Variants in PLCB2 observed in about 807,000 individuals in gnomAD.
The protein encoded by PLCB2 is phospholipase C beta 2.
A neutral mutation model predicts 141.7 loss-of-function variants in PLCB2; 115 were observed. That is an observed-to-expected ratio of 0.81 (90% CI 0.70 to 0.95). The LOEUF is 0.95. PLCB2 is among the 40% of genes least tolerant of loss of function. The pLI, the probability that PLCB2 is intolerant of heterozygous loss-of-function variation, is 0.00. For missense variants in PLCB2, 1,403 were observed against 1,541.1 expected, an observed-to-expected ratio of 0.91 and a Z score of 1.50; for synonymous variants, 603 against 595.6, an observed-to-expected ratio of 1.01 and a Z score of -0.18.
chr15:40,297,460 C>T lies in PLCB2; in HGVS notation c.1323+61G>A. On this transcript the variant is annotated intron_variant, in intron 13 of 31. Transcript: ENST00000260402. The surrounding 1 kb of genome is among the most constrained non-coding windows in gnomAD (Gnocchi z 4.2). ...GAGTGTCTCCCTCCCTAACCTGGTT[C>T]TCACCCTGCCCCAGGTTCCCAGGCC... is the stretch of plus-strand genomic sequence containing the variant. The T allele has an allele frequency of 7.7e-7, 1 of 1,300,732 alleles. No individual in the cohort carries two copies. The highest frequency in any genetic ancestry group is 1.1e-6 in the Non-Finnish European group (1 of 894,138). 80.6% of individuals were successfully genotyped at this position (1,300,732 alleles called of 1,614,324 possible). A position where few individuals can be genotyped will look rare whatever the true frequency, so the allele number is the denominator to read the frequency against.
At position 40,298,893 on chromosome 15, in the gene PLCB2, G is replaced by A. The variant is rs2040371493; in HGVS notation, c.755C>T (p.Ser252Phe). ...CGGGAACAGCAGGGAGTTAAGCCGGGAGTCCCGCTGTTTCTGGTTGATGAA... is the reference window on the plus strand; with the variant it reads ...CGGGAACAGCAGGGAGTTAAGCCGGAAGTCCCGCTGTTTCTGGTTGATGAA... Reference protein sequence around the residue: ...TKFINQKQRDSRLNSLLFPPA... With the variant: ...TKFINQKQRDFRLNSLLFPPA... The change falls in exon 9 of 32, where the codon TCC becomes TTC. Residue 252 changes from serine (S) to phenylalanine (F), a missense_variant. Coordinates refer to ENST00000260402, the MANE Select transcript of PLCB2 (RefSeq NM_004573.3). 4 of 1,611,376 alleles carry A rather than the reference G, an allele frequency of 2.5e-6. No individual in the cohort carries two copies. The highest frequency in any genetic ancestry group is 3.4e-6 in the Non-Finnish European group (4 of 1,180,018).
At chr15:40,289,580 A>T (rs76648838) in intron 30 of PLCB2, 8,283 of 575,364 alleles carry the variant, frequency 0.014, 479 homozygotes, top group African/African-American at 0.13. Context: ...AGTGCCTGGC[A>T]CAGGTCAGGA....
Position 40,302,466 on chromosome 15 carries a change from C to T in PLCB2, c.372+3G>A, listed in dbSNP as rs749297747. On this transcript the variant is annotated splice_donor_region_variant and intron_variant, in intron 4 of 31. Coordinates refer to ENST00000260402, the MANE Select transcript of PLCB2 (RefSeq NM_004573.3). ...GACCCAGGCCCAGTGCTCCCTGGCA[C>T]ACCTTGCCCACGTTCTCCTTGTAGG... The T allele has an allele frequency of 3.1e-6, 5 of 1,614,014 alleles. No individual in the cohort carries two copies. The highest frequency in any genetic ancestry group is 4.2e-6 in the Non-Finnish European group (5 of 1,179,942).
Position 40,297,997 on chromosome 15 carries a change from G to A in PLCB2, c.1156-38C>T, listed in dbSNP as rs28395837. Reference sequence around the variant, plus strand: ...GAGACTCCATGAACAGAAGGTCAGCGTTCCGACTGCCTGTCTCGTGATAGC... The same window carrying A: ...GAGACTCCATGAACAGAAGGTCAGCATTCCGACTGCCTGTCTCGTGATAGC... On this transcript the variant is annotated intron_variant, in intron 11 of 31. Coordinates refer to ENST00000260402, the MANE Select transcript of PLCB2 (RefSeq NM_004573.3). The surrounding 1 kb of genome is among the most constrained non-coding windows in gnomAD (Gnocchi z 4.2). 1.1e-3 allele frequency: 1,659 copies of A among 1,455,796 alleles called. 3 individuals carry two copies. The highest frequency in any genetic ancestry group is 1.5e-3 in the Non-Finnish European group (1,558 of 1,038,886). 90.2% of individuals were successfully genotyped at this position (1,455,796 alleles called of 1,614,324 possible). A position where few individuals can be genotyped will look rare whatever the true frequency, so the allele number is the denominator to read the frequency against.
Position 40,291,320 on chromosome 15 carries a change from C to T in PLCB2, c.2815G>A (p.Val939Met), listed in dbSNP as rs751053719. 1 of 1,540,242 alleles carries T rather than the reference C, an allele frequency of 6.5e-7. No individual in the cohort carries two copies. The highest frequency in any genetic ancestry group is 1.9e-5 in the Admixed American group (1 of 52,154). ...AGCTTGCAGGCCCCGACGCCCCCCACGCCCGGTGGCCCGAGCTCCGCCAGC... is the reference window on the plus strand; with the variant it reads ...AGCTTGCAGGCCCCGACGCCCCCCATGCCCGGTGGCCCGAGCTCCGCCAGC... ...AQLAELGPPG[V>M]GGVGACKLGP... The change falls in exon 26 of 32, where the codon GTG (valine) becomes ATG (methionine). Residue 939 changes from valine to methionine, a missense_variant. This residue lies in a region of PLCB2 where 290 missense variants were observed against 245.9 expected (regional missense o/e 1.18). Transcript: ENST00000260402.
chr15:40,292,982 T>A lies in PLCB2; in HGVS notation c.2270A>T (p.Glu757Val). 6.2e-7 allele frequency: 1 copy of A among 1,607,584 alleles called. No individual in the cohort carries two copies. Among genetic ancestry groups the A allele is most frequent in the Non-Finnish European group, 8.5e-7 (1 of 1,176,724 alleles). ...ELASLRVAVM[E>V]EGNKFLGHRI... ...GTGTCCAAGAAACTTGTTGCCTTCC[T>A]CCATCACAGCCACTCTGAGGGAGGC... The change falls in exon 21 of 32, where the codon GAG becomes GTG. Residue 757 changes from glutamate to valine, a missense_variant. By Grantham distance (121) the Glu-to-Val change is moderately radical. This residue lies in a region of PLCB2 where 975 missense variants were observed against 1,141.1 expected (regional missense o/e 0.85). Transcript: ENST00000260402.
At chr15:40,287,150 C>T (rs1181621953), downstream of PLCB2, among the ~76,000 whole-genome samples, 1 of 152,078 alleles carries the variant, frequency 6.6e-6, no homozygotes, top group East Asian at 1.9e-4. Flanking sequence ...TCTGCCCCAG[C>T]GTATCCAGTC....
chr15:40,296,272 C>A, intron 16 of PLCB2, 24 bp downstream of exon 16: 1 of 1,574,050 alleles, frequency 6.4e-7, no homozygotes, highest in South Asian at 1.1e-5. Context: ...CTTACCCACC[C>A]GTAAGTTACT....
rs750615057 is a variant in PLCB2, at chr15:40,299,172, C to G, written c.639G>C (p.Met213Ile). 5 of 1,614,032 alleles carry G rather than the reference C, an allele frequency of 3.1e-6. No individual in the cohort carries two copies. The highest frequency in any genetic ancestry group is 4.2e-6 in the Non-Finnish European group (5 of 1,179,894). ...FPEPVYKSFL[M>I]SLCPRPEIDE... is the part of the protein sequence containing the mutation. ...CTATTTCTGGCCGAGGACAGAGGCT[C>G]ATGAGGAAACTCTTGTAGACAGGTT... Residue 213 changes from methionine (M) to isoleucine (I), a missense_variant, in exon 8 of 32, where the codon ATG becomes ATC. Physicochemically the swap from Met to Ile is conservative, Grantham distance 10. Coordinates refer to ENST00000260402, the MANE Select transcript of PLCB2 (RefSeq NM_004573.3).
Position 40,288,583 on chromosome 15 carries a change from C to T in PLCB2, c.*132G>A. ...TCTGGCCTGGCCGTTGAGGAGGGGG[C>T]TGCAGCGTCCAAGGCAGCCACAGGT... On this transcript the variant is annotated 3_prime_UTR_variant, in exon 32 of 32. Transcript: ENST00000260402. 1 of 1,407,616 alleles carries T rather than the reference C, an allele frequency of 7.1e-7. No individual in the cohort carries two copies. The highest frequency in any genetic ancestry group is 1.7e-5 in the South Asian group (1 of 60,508). The allele number at this position is 1,407,616 out of a possible 1,614,324, so 87.2% of individuals were successfully genotyped here.
In PLCB2 at chr15:40,290,603, G is replaced by T. The variant is rs35092098; in HGVS notation, c.3183C>A (p.Val1061=). The T allele has an allele frequency of 3.8e-5, 61 of 1,614,056 alleles. No individual in the cohort carries two copies. The highest frequency in any genetic ancestry group is 5.1e-5 in the Non-Finnish European group (60 of 1,179,924). ...RLERIQGMTK[V]TTDKMAQERL... ...TCTCCTGGGCCATCTTGTCTGTGGT[G>T]ACTTTGGTCATGCCCTGGATCCGCT... Residue 1061 remains valine (V), a synonymous_variant, in exon 29 of 32, where the codon GTC becomes GTA. Transcript: ENST00000260402.
intron 18 of PLCB2, 52 bp downstream of exon 18, chr15:40,294,884 G>C (rs372156825): frequency 1.2e-5 from 19 of 1,611,086 alleles, no homozygotes; most frequent in Non-Finnish European, 1.5e-5. Context: ...ATGTAAAGGT[G>C]GGGGGCGCAG....
At chr15:40,290,515 AG>A in intron 29 of PLCB2, 61 bp downstream of exon 29, 3 of 1,111,530 alleles carry the variant, frequency 2.7e-6, no homozygotes, top group Non-Finnish European at 4.0e-6. Flanking sequence ...CCATTTGTAG[AG>A]AGGCCCCTTT....
At chr15:40,292,259 C>G in intron 22 of PLCB2, 80 bp downstream of exon 22, 1 of 1,498,540 alleles carries the variant, frequency 6.7e-7, no homozygotes, top group East Asian at 2.3e-5. Flanking sequence ...CTGGATCCCA[C>G]CCCAACTCTG....
chr15:40,291,453 C>T lies in PLCB2; in HGVS notation c.2682G>A (p.Glu894=), dbSNP rs372298967. 4.5e-6 allele frequency: 7 copies of T among 1,558,438 alleles called. No individual in the cohort carries two copies. Among genetic ancestry groups the T allele is most frequent in the Non-Finnish European group, 8.6e-7 (1 of 1,157,414 alleles). Residue 894 remains glutamate, a synonymous_variant, in exon 26 of 32, where the codon GAG becomes GAA. Coordinates refer to ENST00000260402, the MANE Select transcript of PLCB2 (RefSeq NM_004573.3). ...GCTGCAGCTTCACCACGCCCTTTAG[C>T]TCCCGGAGCTCCTCCAGGCTGGCGG... ...PRTASLEELR[E]LKGVVKLQRR... is the part of the protein sequence containing the mutation.
At chr15:40,302,707 C>CA in intron 3 of PLCB2, 98 bp from the exon 4 acceptor site, 7 of 1,368,880 alleles carry the variant, frequency 5.1e-6, no homozygotes, top group Non-Finnish European at 5.1e-6. Context: ...GGCTATGGCC[C>CA]ACTGGGCAGA....
At chr15:40,294,850 G>C in intron 18 of PLCB2, 86 bp downstream of exon 18, 3 of 1,552,702 alleles carry the variant, frequency 1.9e-6, no homozygotes, top group Non-Finnish European at 2.6e-6. Context: ...GGACTCCCCA[G>C]CCTGTTCCAA....
At chr15:40,299,576 A>G (rs1010174624) in intron 7 of PLCB2, among the ~76,000 whole-genome samples, 1 of 152,252 alleles carries the variant, frequency 6.6e-6, no homozygotes, top group African/African-American at 2.4e-5. Flanking sequence ...ATATTCAAAA[A>G]GAAGCAATTT....
At chr15:40,303,386 G>A in intron 2 of PLCB2, 30 bp from the exon 3 acceptor site, 1 of 1,524,572 alleles carries the variant, frequency 6.6e-7, no homozygotes, top group Non-Finnish European at 9.1e-7. Flanking sequence ...CCCGGTGGGA[G>A]CAAAGAAGGG....
Sources: gnomAD v4.1 joint callset for allele counts (sites outside exome capture counted in the v4.1 genomes callset) on GRCh38, gnomAD v4.1.1 for gene constraint, gnomAD v4.1.1 regional missense constraint, Gnocchi (gnomAD v3.1) non-coding constraint, MANE v1.5 for transcripts, NCBI Gene and HGNC (gene_info 2026-07-23, HGNC 2026-07-21) for gene names.